Variants in GRIN2B observed in about 807,000 individuals in gnomAD.
GRIN2B encodes the protein glutamate ionotropic receptor NMDA type subunit 2B, also known as glutamate receptor ionotropic, NMDA 2B.
In GRIN2B, 5 loss-of-function variants were observed where a neutral mutation model predicts 114.5. The ratio of observed to expected loss-of-function variants is 0.04; its 90% CI spans 0.02 to 0.09. The LOEUF is 0.09. Ranked by LOEUF, GRIN2B falls within the 10% of genes least tolerant of loss-of-function variation. GRIN2B has a pLI of 1.00. For synonymous variants in GRIN2B, 787 were observed against 745.1 expected, an observed-to-expected ratio of 1.06 and a Z score of -0.92; for missense variants, 1,108 against 1,943.5, an observed-to-expected ratio of 0.57 and a Z score of 8.08.
chr12:13,948,299 T>C (rs1023891092), intron 2 of GRIN2B, among the ~76,000 whole-genome samples: 1 of 152,142 alleles, frequency 6.6e-6, no homozygotes, highest in African/African-American at 2.4e-5. Context: ...CTGCCCCATA[T>C]GTTTAAATGC....
chr12:13,562,539 C>T lies in GRIN2B; in HGVS notation c.*244G>A, dbSNP rs1411655664. 2.8e-5 allele frequency: 15 copies of T among 543,376 alleles called. No homozygotes were observed. The highest frequency in any genetic ancestry group is 2.5e-4 in the East Asian group (8 of 31,730). The allele number at this position is 543,376 out of a possible 1,614,324, so 33.7% of individuals were successfully genotyped here. A position where few individuals can be genotyped will look rare whatever the true frequency, so the allele number is the denominator to read the frequency against. On this transcript the variant is annotated 3_prime_UTR_variant, in exon 14 of 14. Coordinates refer to ENST00000609686, the MANE Select transcript of GRIN2B (RefSeq NM_000834.5). ...GCTGAGAGGGCCCATGGCATCATCT[C>T]ATGGGAACAGGAATGGCTGACAGCG... is the stretch of plus-strand genomic sequence containing the variant.
At chr12:13,685,423 G>A (rs1338973983) in intron 4 of GRIN2B, among the ~76,000 whole-genome samples, 2 of 152,340 alleles carry the variant, frequency 1.3e-5, no homozygotes, top group East Asian at 3.9e-4. Context: ...GAAAAAGAAG[G>A]TTATAATTTA....
chr12:13,626,888 C>T (rs1949574516), intron 5 of GRIN2B, among the ~76,000 whole-genome samples: 1 of 144,484 alleles, frequency 6.9e-6, no homozygotes, highest in African/African-American at 2.6e-5. Context: ...TTCCTCAACT[C>T]CACCCATGTG....
chr12:13,806,967 T>G (rs1432054655), intron 3 of GRIN2B, among the ~76,000 whole-genome samples: 1 of 151,974 alleles, frequency 6.6e-6, no homozygotes, highest in East Asian at 1.9e-4. Flanking sequence ...TTAAAATTAC[T>G]CAAAGTGCCA....
chr12:13,704,537 C>T (rs1479685372), intron 4 of GRIN2B, among the ~76,000 whole-genome samples: 1 of 152,094 alleles, frequency 6.6e-6, no homozygotes, highest in Non-Finnish European at 1.5e-5. Flanking sequence ...GGTCATCACA[C>T]CATCCCCCAG....
intron 2 of GRIN2B, among the ~76,000 whole-genome samples, chr12:13,890,844 C>A (rs980842581): frequency 6.6e-6 from 1 of 152,108 alleles, no homozygotes; most frequent in South Asian, 2.1e-4. Flanking sequence ...GAGCACCATG[C>A]AGACTTTCCA....
At chr12:13,938,287 GA>G (rs2136832104) in intron 2 of GRIN2B, among the ~76,000 whole-genome samples, 1 of 151,354 alleles carries the variant, frequency 6.6e-6, no homozygotes, top group African/African-American at 2.4e-5. Flanking sequence ...TTGTCATGCT[GA>G]AAAAAAAGCA....
chr12:13,817,856 G>A (rs1421276794), intron 3 of GRIN2B, among the ~76,000 whole-genome samples: 1 of 152,180 alleles, frequency 6.6e-6, no homozygotes, highest in Non-Finnish European at 1.5e-5. Context: ...ACCTTGCTGA[G>A]TACTGTGAAA....
rs1346184068 is a variant in GRIN2B, at chr12:13,542,657, C to G, written c.*20126G>C. 3 of 152,410 alleles carry G rather than the reference C, an allele frequency of 2.0e-5. No individual in the cohort carries two copies. The East Asian group carries it at 5.8e-4, about 29-fold the overall frequency. The allele number at this position is 152,410 out of a possible 1,614,324, so 9.4% of individuals were successfully genotyped here. A position where few individuals can be genotyped will look rare whatever the true frequency, so the allele number is the denominator to read the frequency against. On this transcript the variant is annotated 3_prime_UTR_variant, in exon 14 of 14. Transcript: ENST00000609686. Reference sequence around the variant, plus strand: ...CAATCACCACGAGAAGCCCAAGACCCCCAGTCCCTCTTATCACTTGGACTT... The same window carrying G: ...CAATCACCACGAGAAGCCCAAGACCGCCAGTCCCTCTTATCACTTGGACTT...
rs1948256964 is a variant in GRIN2B, at chr12:13,540,053, G to A, written c.*22730C>T. 1 of 152,170 alleles carries A rather than the reference G, an allele frequency of 6.6e-6. No homozygotes were observed. The highest frequency in any genetic ancestry group is 2.4e-5 in the African/African-American group (1 of 41,426). 9.4% of individuals were successfully genotyped at this position (152,170 alleles called of 1,614,324 possible). On this transcript the variant is annotated 3_prime_UTR_variant, in exon 14 of 14. Transcript: ENST00000609686. The stretch of plus-strand genomic sequence containing the variant: ...GAGGGGGAGATGAGTGTAACCAAGG[G>A]CTCCAGCACCAGCTATAGTAGAAAC...
chr12:13,901,346 C>T (rs11055674), intron 2 of GRIN2B, among the ~76,000 whole-genome samples: 23,273 of 152,040 alleles, frequency 0.15, 2,136 homozygotes, highest in Non-Finnish European at 0.19. Context: ...CTCATTTATA[C>T]AAGAATATTC....
intron 3 of GRIN2B, among the ~76,000 whole-genome samples, chr12:13,758,317 C>A (rs1171547431): frequency 6.6e-6 from 1 of 152,182 alleles, no homozygotes; most frequent in Non-Finnish European, 1.5e-5. Context: ...ACCTCAGGCT[C>A]AGAGTCTGCT....
At chr12:13,927,155 GAAATCACA>G (rs1417479950) in intron 2 of GRIN2B, among the ~76,000 whole-genome samples, 1 of 152,048 alleles carries the variant, frequency 6.6e-6, no homozygotes, top group Non-Finnish European at 1.5e-5. Context: ...TTTACTGAAA[GAAATCACA>G]AAACTGGCAG....
In GRIN2B at chr12:13,825,496, TTGTGTGTG is replaced by T. The variant is rs55893904; in HGVS notation, c.411+40294_411+40301del. Among the ~76,000 whole-genome samples, 127 of 122,968 alleles carry T rather than the reference TTGTGTGTG, an allele frequency of 1.0e-3. 2 individuals are homozygous for T. The highest frequency in any genetic ancestry group is 2.6e-3 in the African/African-American group (85 of 32,094). The allele number at this position is 122,968 out of a possible 152,430, so 80.7% of individuals were successfully genotyped here. Reference sequence around the variant, plus strand: ...TATATATAATAAATATATATATATTTTGTGTGTGTGTGTGTGTGTGTGTGTGTGTGTGT... The same window carrying T: ...TATATATAATAAATATATATATATTTTGTGTGTGTGTGTGTGTGTGTGTGT... On this transcript the variant is annotated intron_variant, in intron 3 of 13. Transcript: ENST00000609686.
At chr12:13,911,253 G>C (rs1454262995) in intron 2 of GRIN2B, among the ~76,000 whole-genome samples, 1 of 152,060 alleles carries the variant, frequency 6.6e-6, no homozygotes, top group Non-Finnish European at 1.5e-5. Flanking sequence ...TGATAGTTTT[G>C]AATAAGAAAT....
At chr12:13,849,373 G>A (rs1865521378) in intron 3 of GRIN2B, among the ~76,000 whole-genome samples, 1 of 152,102 alleles carries the variant, frequency 6.6e-6, no homozygotes, top group African/African-American at 2.4e-5. Context: ...GTTGGTCTGA[G>A]CCATCAGTTC....
chr12:13,656,759 A>G (rs1367405471), intron 5 of GRIN2B, among the ~76,000 whole-genome samples: 2 of 152,220 alleles, frequency 1.3e-5, no homozygotes, highest in South Asian at 2.1e-4. Context: ...AATAGATGTC[A>G]CTAAAAATAC....
chr12:13,672,230 A>G (rs1248112248), intron 5 of GRIN2B, among the ~76,000 whole-genome samples: 2 of 152,136 alleles, frequency 1.3e-5, no homozygotes, highest in African/African-American at 4.8e-5. Context: ...TAGAGATGAG[A>G]AAAGAAAAAT....
At chr12:13,791,396 G>C (rs145285199) in intron 3 of GRIN2B, among the ~76,000 whole-genome samples, 6,944 of 151,002 alleles carry the variant, frequency 0.046, 226 homozygotes, top group Admixed American at 0.07. Context: ...AGCTTGCAGT[G>C]AGCCGAGATT....
Sources: gnomAD v4.1 joint callset for allele counts (sites outside exome capture counted in the v4.1 genomes callset) on GRCh38, gnomAD v4.1.1 for gene constraint, MANE v1.5 for transcripts, NCBI Gene and HGNC (gene_info 2026-07-23, HGNC 2026-07-21) for gene names.